TXNDC16: variants seen among roughly 807,000 people sequenced by gnomAD.
The protein encoded by TXNDC16 is thioredoxin domain-containing protein 16.
Under a neutral mutation model 85.6 loss-of-function variants are expected in TXNDC16, and 74 were observed. The observed-to-expected ratio is 0.86, with a 90% confidence interval of 0.72 to 1.05. TXNDC16 has a LOEUF of 1.05. TXNDC16 is among the 50% of genes least tolerant of loss of function. The probability of loss-of-function intolerance (pLI) is 0.00; values close to 1 mark genes in which losing one functional copy is unlikely to be tolerated. For missense variants in TXNDC16, 959 were observed against 947.0 expected (o/e 1.01, Z -0.17); for synonymous variants, 335 against 326.5 (o/e 1.03, Z -0.28).
chr14:52,512,951 C>T (rs943112601), intron 8 of TXNDC16, among the ~76,000 whole-genome samples: 3 of 150,200 alleles, frequency 2.0e-5, no homozygotes, highest in African/African-American at 4.9e-5. Flanking sequence ...GAGAGAGGAT[C>T]TCTCATCTCT....
chr14:52,468,522 T>G lies in TXNDC16; in HGVS notation c.1618+1515A>C, dbSNP rs552750766. On this transcript the variant is annotated intron_variant, in intron 16 of 20. Coordinates refer to ENST00000281741, the MANE Select transcript of TXNDC16 (RefSeq NM_020784.3). ...TAACTGAAACAAAATGACAAAAGCT[T>G]AATATCCTTAATATACAAAGGTCTC... Among the ~76,000 whole-genome samples, 29 of 152,156 alleles carry G rather than the reference T, an allele frequency of 1.9e-4. 1 individual carries two copies. In the East Asian group the frequency reaches 5.4e-3, roughly 28 times the overall value.
chr14:52,464,522 G>A (rs941760932), intron 16 of TXNDC16, among the ~76,000 whole-genome samples: 2 of 152,220 alleles, frequency 1.3e-5, no homozygotes, highest in Admixed American at 1.3e-4. Context: ...GAGGTACAGA[G>A]AGGACACTGT....
intron 1 of TXNDC16, among the ~76,000 whole-genome samples, chr14:52,550,068 A>G (rs998775966): frequency 6.6e-6 from 1 of 152,190 alleles, no homozygotes; most frequent in African/African-American, 2.4e-5. Flanking sequence ...AAGCTTTTCT[A>G]GGAAACCCTT....
intron 20 of TXNDC16, among the ~76,000 whole-genome samples, chr14:52,438,646 C>T (rs2035090002): frequency 6.6e-6 from 1 of 152,032 alleles, no homozygotes; most frequent in African/African-American, 2.4e-5. Context: ...TCAATATTTG[C>T]TTTATTGTGG....
Position 52,470,143 on chromosome 14 carries a change from T to C in TXNDC16, c.1512A>G (p.Thr504=), listed in dbSNP as rs2035871253. The C allele has an allele frequency of 6.2e-7, 1 of 1,608,928 alleles. No homozygotes were observed. Among genetic ancestry groups the C allele is most frequent in the Non-Finnish European group, 8.5e-7 (1 of 1,177,274 alleles). Residue 504 remains threonine (T), a synonymous_variant, in exon 16 of 21, where the codon ACA becomes ACG. Coordinates refer to ENST00000281741, the MANE Select transcript of TXNDC16 (RefSeq NM_020784.3). ...LNRISYPVNI[T]SIQEAEEYLS... is the part of the protein sequence containing the mutation. Reference sequence around the variant, plus strand: ...AATATTCTTCTGCTTCTTGGATCGATGTTATATTCACTGGATATGAAATCC... The same window carrying C: ...AATATTCTTCTGCTTCTTGGATCGACGTTATATTCACTGGATATGAAATCC...
chr14:52,498,439 TCACA>T (rs1347384782), intron 9 of TXNDC16, among the ~76,000 whole-genome samples: 1 of 137,458 alleles, frequency 7.3e-6, no homozygotes, highest in Non-Finnish European at 1.6e-5. Context: ...ACACACACAC[TCACA>T]CACACCAGAA....
Position 52,490,933 on chromosome 14 carries a change from C to T in TXNDC16, c.829G>A (p.Val277Ile). 1 of 1,554,270 alleles carries T rather than the reference C, an allele frequency of 6.4e-7. No individual in the cohort carries two copies. ...LQLGLPLVFI[V>I]SQQATYEADR... ...GCTTCATAAGTAGCCTGTTGGCTAA[C>T]AATAAAAACCAGTGGTAAGCCCAGT... The change falls in exon 10 of 21, where the codon GTT becomes ATT. Residue 277 changes from valine to isoleucine, a missense_variant. By Grantham distance (29) the Val-to-Ile change is conservative (BLOSUM62 3). Transcript: ENST00000281741.
chr14:52,440,745 C>T (rs758509814), intron 18 of TXNDC16, 21 bp from the exon 19 acceptor site: 13 of 1,597,268 alleles, frequency 8.1e-6, no homozygotes, highest in Non-Finnish European at 1.1e-5. Context: ...AAAGGAATAA[C>T]AACAATAAAA....
chr14:52,468,878 A>G (rs28606047), intron 16 of TXNDC16, among the ~76,000 whole-genome samples: 5,243 of 150,742 alleles, frequency 0.035, 273 homozygotes, highest in African/African-American at 0.12. Flanking sequence ...CCCTGTCTCA[A>G]AAAAAAAAAC....
At chr14:52,501,355 G>A (rs753946889) in intron 9 of TXNDC16, among the ~76,000 whole-genome samples, 9 of 152,074 alleles carry the variant, frequency 5.9e-5, no homozygotes, top group Non-Finnish European at 1.3e-4. Flanking sequence ...TAATTGCAAT[G>A]ATCAGACACA....
intron 18 of TXNDC16, among the ~76,000 whole-genome samples, chr14:52,453,515 T>C (rs2035459447): frequency 6.6e-6 from 1 of 152,194 alleles, no homozygotes; most frequent in South Asian, 2.1e-4. Context: ...AATGAGATTC[T>C]GTCATTTTTA....
intron 9 of TXNDC16, among the ~76,000 whole-genome samples, chr14:52,510,264 C>A (rs1349751852): frequency 6.6e-6 from 1 of 152,146 alleles, no homozygotes; most frequent in Non-Finnish European, 1.5e-5. Flanking sequence ...AAAATGGAAA[C>A]AAAGTTTTAA....
chr14:52,524,902 C>T (rs969429105), intron 6 of TXNDC16, among the ~76,000 whole-genome samples: 1 of 151,844 alleles, frequency 6.6e-6, no homozygotes, highest in Non-Finnish European at 1.5e-5. Flanking sequence ...GGGAGGATCA[C>T]CTGGGGTCCG....
At chr14:52,469,987 C>T (rs373933381) in intron 16 of TXNDC16, 50 bp downstream of exon 16, 83 of 1,449,182 alleles carry the variant, frequency 5.7e-5, no homozygotes, top group Non-Finnish European at 7.4e-5. Context: ...ATAAAACTAG[C>T]AAGCAATGAT....
rs528175803 is a variant in TXNDC16, at chr14:52,527,266, C to G, written c.393-7973G>C. Among the ~76,000 whole-genome samples the G allele has an allele frequency of 2.5e-3, 382 of 152,148 alleles. 1 individual carries two copies. The highest frequency in any genetic ancestry group is 8.7e-3 in the African/African-American group (362 of 41,488). ...GTAGGGGGCAGTCTTGGGGACTTGG[C>G]CTTCAACACATGCAGGATCTGATAC... On this transcript the variant is annotated intron_variant, in intron 6 of 20. Coordinates refer to ENST00000281741, the MANE Select transcript of TXNDC16 (RefSeq NM_020784.3).
At chr14:52,482,698 C>T (rs1026946670) in intron 13 of TXNDC16, 124 bp downstream of exon 13, 13 of 727,220 alleles carry the variant, frequency 1.8e-5, no homozygotes, top group Non-Finnish European at 2.7e-5. Flanking sequence ...TCAATGCACA[C>T]AGTCTACTTG....
intron 14 of TXNDC16, among the ~76,000 whole-genome samples, chr14:52,475,513 T>G (rs1033447225): frequency 3.1e-4 from 47 of 152,088 alleles, no homozygotes; most frequent in Non-Finnish European, 2.9e-5. Context: ...CCCTTTGGGT[T>G]GTGTGGGAGC....
At chr14:52,487,960 GATTT>G (rs1160623930) in intron 12 of TXNDC16, among the ~76,000 whole-genome samples, 1 of 152,090 alleles carries the variant, frequency 6.6e-6, no homozygotes, top group African/African-American at 2.4e-5. Context: ...TTAACAACTG[GATTT>G]ATTTACAAGT....
intron 18 of TXNDC16, among the ~76,000 whole-genome samples, chr14:52,442,359 G>A (rs572354690): frequency 2.0e-5 from 3 of 152,236 alleles, no homozygotes; most frequent in African/African-American, 7.2e-5. Flanking sequence ...AGTCACCACG[G>A]CTAAGCAGGG....
Sources: allele counts gnomAD v4.1 joint callset (sites outside exome capture counted in the v4.1 genomes callset), GRCh38; gene constraint gnomAD v4.1.1; transcripts MANE v1.5; gene names NCBI Gene and HGNC (gene_info 2026-07-23, HGNC 2026-07-21).